The following WARS1 variants were observed in gnomAD, a reference collection of about 807,000 sequenced individuals.
WARS1 encodes tryptophan--tRNA ligase, cytoplasmic.
In WARS1, 17 loss-of-function variants were observed where a neutral mutation model predicts 47.8. The observed-to-expected ratio is 0.36, with a 90% confidence interval of 0.24 to 0.53. WARS1 has a LOEUF of 0.53. Ranked by LOEUF, WARS1 falls within the 20% of genes least tolerant of loss-of-function variation. WARS1 has a pLI of 0.91. For synonymous variants in WARS1, 208 were observed against 228.1 expected, an observed-to-expected ratio of 0.91 and a Z score of 0.79; for missense variants, 434 against 608.0, an observed-to-expected ratio of 0.71 and a Z score of 3.01.
rs369932946 is a variant in WARS1, at chr14:100,348,590, C to A, written c.726-1744G>T. 7.2e-5 allele frequency among the ~76,000 whole-genome samples: 11 copies of A among 152,310 alleles called. No homozygotes were observed. In the South Asian group the frequency reaches 1.7e-3, roughly 23 times the overall value. On this transcript the variant is annotated intron_variant, in intron 6 of 10. Transcript: ENST00000392882. ...CCTGGAAAGATGCGGCCTTTGTCCT[C>A]CTGCCAAGCAAGCCAAGAACACCGC...
At chr14:100,345,963 G>A (rs1458264108) in intron 7 of WARS1, among the ~76,000 whole-genome samples, 1 of 152,232 alleles carries the variant, frequency 6.6e-6, no homozygotes, top group Non-Finnish European at 1.5e-5. Flanking sequence ...TCCAAGCAGG[G>A]TGAACGCTCC....
Position 100,360,546 on chromosome 14 carries a change from C to G in WARS1, c.422+8G>C. 6.2e-7 allele frequency: 1 copy of G among 1,609,388 alleles called. No homozygotes were observed. Among genetic ancestry groups the G allele is most frequent in the East Asian group, 2.2e-5 (1 of 44,858 alleles). On this transcript the variant is annotated splice_region_variant and intron_variant, in intron 4 of 10. Coordinates refer to ENST00000392882, the MANE Select transcript of WARS1 (RefSeq NM_004184.4). ...AGGTGAGAAGGCCTGTGGTGAAGAGCCCCTGACCTGTGTGAGAAGAAGATG... is the reference window on the plus strand; with the variant it reads ...AGGTGAGAAGGCCTGTGGTGAAGAGGCCCTGACCTGTGTGAGAAGAAGATG...
rs532043970 is a variant in WARS1 at position 100,369,219 on chromosome 14, G to C, written c.-34C>G. 7.4e-5 allele frequency: 102 copies of C among 1,375,218 alleles called. No individual in the cohort carries two copies. Among genetic ancestry groups the C allele is most frequent in the Non-Finnish European group, 4.8e-5 (50 of 1,041,376 alleles). 85.2% of individuals were successfully genotyped at this position (1,375,218 alleles called of 1,614,324 possible). ...TCTCTCAGGAACTACGTTCACAGCCGGCCTGAGGTCAGAGGATTTGTTCAG... is the reference window on the plus strand; with the variant it reads ...TCTCTCAGGAACTACGTTCACAGCCCGCCTGAGGTCAGAGGATTTGTTCAG... On this transcript the variant is annotated 5_prime_UTR_variant, in exon 2 of 11. Coordinates refer to ENST00000392882, the MANE Select transcript of WARS1 (RefSeq NM_004184.4).
chr14:100,339,540 G>A (rs1258357462), intron 9 of WARS1, among the ~76,000 whole-genome samples: 2 of 137,276 alleles, frequency 1.5e-5, no homozygotes, highest in African/African-American at 2.7e-5. Context: ...GCAGTGAGCC[G>A]AGATTGTGCC....
At chr14:100,342,324 G>C in intron 9 of WARS1, 74 bp downstream of exon 9, 1 of 1,573,330 alleles carries the variant, frequency 6.4e-7, no homozygotes, top group Non-Finnish European at 8.7e-7. Context: ...CTGCGCAGTG[G>C]TGTGTGTGTG....
At chr14:100,344,230 G>C (rs1269806409) in intron 7 of WARS1, among the ~76,000 whole-genome samples, 1 of 152,104 alleles carries the variant, frequency 6.6e-6, no homozygotes, top group African/African-American at 2.4e-5. Context: ...TTGCAGGCGC[G>C]CGCCGCCACG....
chr14:100,355,997 G>GGTGAGGTGCTCCTGAC (rs1366638762), intron 4 of WARS1, among the ~76,000 whole-genome samples: 1 of 152,106 alleles, frequency 6.6e-6, no homozygotes, highest in Non-Finnish European at 1.5e-5. Flanking sequence ...TCGGTCCTGG[G>GGTGAGGTGCTCCTGAC]GTGAGGTGCT....
intron 2 of WARS1, chr14:100,366,994 G>T (rs183055661): frequency 6.0e-6 from 7 of 1,167,720 alleles, no homozygotes; most frequent in Middle Eastern, 2.0e-4. Context: ...TAGCCTACTC[G>T]TCTGGTTTGT....
In WARS1 at chr14:100,346,840, G is replaced by C; in HGVS notation, c.732C>G (p.Ser244Arg). 6.2e-7 allele frequency: 1 copy of C among 1,612,876 alleles called. No individual in the cohort carries two copies. Residue 244 changes from serine to arginine, a missense_variant, in exon 7 of 11, where the codon AGC (serine) becomes AGG (arginine). By Grantham distance (110) the Ser-to-Arg change is moderately radical. Transcript: ENST00000392882. ...IFSDLDYMGM[S>R]SGFYKNVVKI... The stretch of plus-strand genomic sequence containing the variant: ...TCACCACATTTTTGTAGAAACCTGA[G>C]CTCATCCTGCAAAGACAACGAGAAT...
At chr14:100,346,069 A>G (rs1983770) in intron 7 of WARS1, among the ~76,000 whole-genome samples, 104,131 of 152,134 alleles carry the variant, frequency 0.68, 36,839 homozygotes, top group Admixed American at 0.81. Context: ...CCACGCACCA[A>G]ACATCAAGTA....
intron 6 of WARS1, among the ~76,000 whole-genome samples, chr14:100,350,399 GA>G (rs56393656): frequency 2.7e-5 from 3 of 112,154 alleles, no homozygotes; most frequent in African/African-American, 1.0e-4. Flanking sequence ...CTCAAAAAAA[GA>G]AAAAAAAAAA....
intron 5 of WARS1, 169 bp from the exon 6 acceptor site, chr14:100,354,038 T>C (rs1895163109): frequency 1.1e-5 from 7 of 634,012 alleles, no homozygotes; most frequent in Non-Finnish European, 1.9e-5. Flanking sequence ...TGATAAGGTC[T>C]ACTACCATTT....
At chr14:100,367,061 C>T in intron 2 of WARS1, 2 of 695,254 alleles carry the variant, frequency 2.9e-6, no homozygotes, top group Non-Finnish European at 4.6e-6. Flanking sequence ...AAAAAAAAAT[C>T]TCAGAGAGAA....
upstream of WARS1, chr14:100,376,149 G>A (rs974919713): frequency 1.5e-4 from 29 of 189,970 alleles, no homozygotes; most frequent in African/African-American, 6.1e-4. Flanking sequence ...AGCAAGCCGG[G>A]CTCTAAGGAT....
At chr14:100,352,857 A>C (rs1243593069) in intron 6 of WARS1, 1 of 152,244 alleles carries the variant, frequency 6.6e-6, no homozygotes, top group Non-Finnish European at 1.5e-5. Context: ...ATTTCTTGGT[A>C]ATCATTTGGG....
At position 100,351,752 on chromosome 14, in the gene WARS1, G is replaced by C. The variant is rs150511722; in HGVS notation, c.725+1935C>G. On this transcript the variant is annotated intron_variant, in intron 6 of 10. Coordinates refer to ENST00000392882, the MANE Select transcript of WARS1 (RefSeq NM_004184.4). The stretch of plus-strand genomic sequence containing the variant: ...CTCATGCCTGTAATCCCAGTGCTTT[G>C]GGAGGCCGAGGCAGGCAGATCATGA... Among the ~76,000 whole-genome samples the C allele has an allele frequency of 6.3e-3, 952 of 152,252 alleles. 7 individuals are homozygous for C. The highest frequency in any genetic ancestry group is 0.01 in the Middle Eastern group (3 of 294).
chr14:100,335,369 G>A (rs1404620059), intron 10 of WARS1, among the ~76,000 whole-genome samples: 1 of 147,604 alleles, frequency 6.8e-6, no homozygotes, highest in Non-Finnish European at 1.5e-5. Context: ...TATGGCTTCT[G>A]TAAAATCTTG....
intron 9 of WARS1, among the ~76,000 whole-genome samples, chr14:100,340,798 C>T (rs1467059524): frequency 6.6e-6 from 1 of 152,130 alleles, no homozygotes; most frequent in African/African-American, 2.4e-5. Flanking sequence ...GCCCAGTGAC[C>T]GTCTGTAGGC....
chr14:100,351,731 T>C (rs1191705652), intron 6 of WARS1, among the ~76,000 whole-genome samples: 1 of 152,064 alleles, frequency 6.6e-6, no homozygotes, highest in Non-Finnish European at 1.5e-5. Context: ...TGGTGGCTCA[T>C]GCCTGTAATC....
Sources: allele counts gnomAD v4.1 joint callset (sites outside exome capture counted in the v4.1 genomes callset), GRCh38; gene constraint gnomAD v4.1.1; transcripts MANE v1.5; gene names NCBI Gene and HGNC (gene_info 2026-07-23, HGNC 2026-07-21).